OXNAD1: variants seen among roughly 807,000 people sequenced by gnomAD.
OXNAD1 encodes oxidoreductase NAD-binding domain-containing protein 1.
Under a neutral mutation model 32.9 loss-of-function variants are expected in OXNAD1, and 34 were observed. The ratio of observed to expected loss-of-function variants is 1.03; its 90% CI spans 0.79 to 1.38. OXNAD1 has a LOEUF of 1.38. Ranked by LOEUF, OXNAD1 falls within the 40% of genes most tolerant of loss-of-function variation. The pLI is 0.00. For synonymous variants in OXNAD1, 134 were observed against 135.2 expected, an observed-to-expected ratio of 0.99 and a Z score of 0.06; for missense variants, 407 against 379.4, an observed-to-expected ratio of 1.07 and a Z score of -0.60.
chr3:16,340,237 T>C (rs1329687934), downstream of OXNAD1, among the ~76,000 whole-genome samples: 1 of 152,244 alleles, frequency 6.6e-6, no homozygotes, highest in Non-Finnish European at 1.5e-5. Flanking sequence ...CTTTGGCCAA[T>C]AGTACATTAA....
intron 4 of OXNAD1, among the ~76,000 whole-genome samples, chr3:16,281,975 C>T (rs1044927009): frequency 6.7e-6 from 1 of 148,740 alleles, no homozygotes; most frequent in South Asian, 2.1e-4. Context: ...GTGATCCTCC[C>T]ACCTCAGCCT....
At chr3:16,307,869 C>G (rs1431140866), downstream of OXNAD1, among the ~76,000 whole-genome samples, 4 of 152,164 alleles carry the variant, frequency 2.6e-5, no homozygotes, top group East Asian at 5.8e-4. Flanking sequence ...AGGGAATGAA[C>G]AGTACAGCTA....
In OXNAD1 at chr3:16,265,983, A is replaced by G. The variant is rs981087224; in HGVS notation, c.-159+478A>G. The G allele has an allele frequency of 1.2e-6, 1 of 847,812 alleles. No homozygotes were observed. The highest frequency in any genetic ancestry group is 1.4e-6 in the Non-Finnish European group (1 of 704,412). The allele number at this position is 847,812 out of a possible 1,614,324, so 52.5% of individuals were successfully genotyped here. A position where few individuals can be genotyped will look rare whatever the true frequency, so the allele number is the denominator to read the frequency against. On this transcript the variant is annotated intron_variant, in intron 1 of 8. Coordinates refer to ENST00000285083, the MANE Select transcript of OXNAD1 (RefSeq NM_138381.5). This position sits in a 1 kb window ranked among gnomAD's most constrained non-coding sequence, Gnocchi z 4.8. The stretch of plus-strand genomic sequence containing the variant: ...GCATTTTTGTCTTGAAAGCAGTGCT[A>G]GTGCCTGTTTTGGTAAAACCGATTA...
chr3:16,343,800 A>C (rs1410960666), intron 9 of OXNAD1, among the ~76,000 whole-genome samples: 1 of 152,242 alleles, frequency 6.6e-6, no homozygotes, highest in Non-Finnish European at 1.5e-5. Context: ...TGACTCAAGG[A>C]GTTTGCATAG....
At chr3:16,296,075 C>A (rs948065319) in intron 6 of OXNAD1, among the ~76,000 whole-genome samples, 1 of 152,118 alleles carries the variant, frequency 6.6e-6, no homozygotes, top group Non-Finnish European at 1.5e-5. Context: ...AACACAGTTG[C>A]GTTTTGTGGC....
At chr3:16,296,001 C>G (rs1373883820) in intron 6 of OXNAD1, among the ~76,000 whole-genome samples, 1 of 152,012 alleles carries the variant, frequency 6.6e-6, no homozygotes, top group South Asian at 2.1e-4. Context: ...TCATAGAGCA[C>G]CAACAAAAAT....
rs146397497 is a variant in OXNAD1 at position 16,331,334 on chromosome 3, G to A, written c.*31-5778G>A. 1.4e-4 allele frequency among the ~76,000 whole-genome samples: 21 copies of A among 152,284 alleles called. No individual in the cohort carries two copies. The East Asian group carries it at 3.9e-3, about 28-fold the overall frequency. On this transcript the variant is annotated intron_variant, in intron 9 of 9. Coordinates refer to the OXNAD1 transcript ENST00000435829. ...TAATTTTCTACCATGGGAAATAAAG[G>A]TTTAGTGCTCCCATAAACATTTCTT...
intron 4 of OXNAD1, 102 bp from the exon 5 acceptor site, chr3:16,286,240 C>T (rs899351704): frequency 1.1e-6 from 1 of 883,824 alleles, no homozygotes; most frequent in Non-Finnish European, 1.8e-6. Flanking sequence ...TCAAAAACCA[C>T]ATCTTTGTAG....
chr3:16,346,590 A>G lies in OXNAD1; in HGVS notation c.*31-2586A>G. On this transcript the variant is annotated intron_variant, in intron 9 of 9. Coordinates refer to the OXNAD1 transcript ENST00000606098. The surrounding 1 kb of genome is among the most constrained non-coding windows in gnomAD (Gnocchi z 4.4). The stretch of plus-strand genomic sequence containing the variant: ...CTCGATGGCCCAGGGCTTCTTCCTC[A>G]CTGACACCCCCCAGGCCTGGACAAC... 6.6e-6 allele frequency: 1 copy of G among 151,988 alleles called. No homozygotes were observed. The highest frequency in any genetic ancestry group is 1.5e-5 in the Non-Finnish European group (1 of 68,010). The allele number at this position is 151,988 out of a possible 1,614,324, so 9.4% of individuals were successfully genotyped here.
Position 16,312,666 on chromosome 3 carries a change from T to C in OXNAD1, c.*30+9074T>C, listed in dbSNP as rs1157545553. On this transcript the variant is annotated intron_variant, in intron 9 of 9. Transcript: ENST00000435829. This position sits in a 1 kb window ranked among gnomAD's most constrained non-coding sequence, Gnocchi z 4.7. ...TCAACCTATTCCTACTAATAAGCAC[T>C]GTCTACACCTGAGAGCTATTCCTGA... Among the ~76,000 whole-genome samples, 1 of 152,164 alleles carries C rather than the reference T, an allele frequency of 6.6e-6. No individual in the cohort carries two copies. The highest frequency in any genetic ancestry group is 1.5e-5 in the Non-Finnish European group (1 of 68,014).
intron 4 of OXNAD1, chr3:16,272,192 A>G (rs1410062025): frequency 4.4e-6 from 2 of 453,042 alleles, no homozygotes; most frequent in Non-Finnish European, 8.9e-6. Flanking sequence ...TGAGAAAGGA[A>G]AGTGGACGAG....
chr3:16,310,248 T>C (rs1448066750), downstream of OXNAD1, among the ~76,000 whole-genome samples: 2 of 152,342 alleles, frequency 1.3e-5, no homozygotes, highest in African/African-American at 4.8e-5. Context: ...TTTGTGGACC[T>C]AGAAACTGGT....
At chr3:16,309,260 G>GT (rs1575174012), downstream of OXNAD1, among the ~76,000 whole-genome samples, 2 of 152,122 alleles carry the variant, frequency 1.3e-5, no homozygotes, top group East Asian at 3.9e-4. Context: ...CAGTAAACCT[G>GT]TTTGTATAAT....
At chr3:16,323,741 T>C (rs2069352263) in intron 9 of OXNAD1, among the ~76,000 whole-genome samples, 1 of 152,186 alleles carries the variant, frequency 6.6e-6, no homozygotes, top group Admixed American at 6.5e-5. Flanking sequence ...CTTGGCCAAA[T>C]GTGGACACAC....
intron 4 of OXNAD1, chr3:16,275,673 A>T: frequency 5.6e-6 from 1 of 177,500 alleles, no homozygotes; most frequent in South Asian, 1.4e-4. Flanking sequence ...TTTTGGGCAG[A>T]TATAAAAGAA....
At chr3:16,318,007 C>G (rs544075121) in intron 9 of OXNAD1, among the ~76,000 whole-genome samples, 1 of 152,214 alleles carries the variant, frequency 6.6e-6, no homozygotes. Flanking sequence ...CTAAAAACTT[C>G]CAATCTCAGA....
downstream of OXNAD1, among the ~76,000 whole-genome samples, chr3:16,306,346 A>T (rs570667727): frequency 6.6e-6 from 1 of 152,242 alleles, no homozygotes; most frequent in Non-Finnish European, 1.5e-5. Flanking sequence ...TGTGTTTTCA[A>T]GCAAAGCCTA....
chr3:16,274,592 A>G (rs2065192451), intron 4 of OXNAD1, among the ~76,000 whole-genome samples: 1 of 152,224 alleles, frequency 6.6e-6, no homozygotes, highest in Non-Finnish European at 1.5e-5. Flanking sequence ...TGTTCTAACA[A>G]AATTATCTTA....
At chr3:16,273,969 TTAA>T (rs1445755503) in intron 4 of OXNAD1, among the ~76,000 whole-genome samples, 1 of 152,088 alleles carries the variant, frequency 6.6e-6, no homozygotes, top group Non-Finnish European at 1.5e-5. Flanking sequence ...TTCTTGCTTA[TTAA>T]TTTTAATAAA....
Sources: gnomAD v4.1 joint callset for allele counts (sites outside exome capture counted in the v4.1 genomes callset) on GRCh38, gnomAD v4.1.1 for gene constraint, Gnocchi (gnomAD v3.1) non-coding constraint, MANE v1.5 for transcripts, NCBI Gene and HGNC (gene_info 2026-07-23, HGNC 2026-07-21) for gene names.